The following POLR3A variants were observed in gnomAD, a reference collection of about 807,000 sequenced individuals.
The protein encoded by POLR3A is DNA-directed RNA polymerase III subunit RPC1.
In POLR3A, 112 loss-of-function variants were observed where a neutral mutation model predicts 152.8. The observed-to-expected ratio is 0.73, with a 90% CI of 0.63 to 0.86. The LOEUF is 0.86. Ranked by LOEUF, POLR3A falls within the 40% of genes least tolerant of loss-of-function variation. POLR3A has a pLI of 0.00. For synonymous variants in POLR3A, 615 were observed against 652.1 expected (o/e 0.94, Z 0.87); for missense variants, 1,385 against 1,743.1 (o/e 0.79, Z 3.66).
At chr10:78,017,790 A>G (rs1486768709) in intron 9 of POLR3A, 74 bp from the exon 10 acceptor site, 2 of 1,453,176 alleles carry the variant, frequency 1.4e-6, no homozygotes, top group Non-Finnish European at 1.9e-6. Flanking sequence ...TCAGATCAGG[A>G]TTCAATCTTT....
rs748909218 is a variant in POLR3A at position 77,982,323 on chromosome 10, A to T, written c.3595-5T>A. The T allele has an allele frequency of 2.5e-6, 4 of 1,613,872 alleles. No individual in the cohort carries two copies. In the South Asian group the frequency reaches 4.4e-5, roughly 18 times the overall value. ...TGGAATGCCCTGCACCACCACCTGG[A>T]TTCAGAGACAGAGAAAGCTGTGAGG... On this transcript the variant is annotated splice_polypyrimidine_tract_variant and splice_region_variant and intron_variant, in intron 27 of 30. Coordinates refer to ENST00000372371, the MANE Select transcript of POLR3A (RefSeq NM_007055.4).
rs1589303681 is a variant in POLR3A at position 77,983,990 on chromosome 10, A to G, written c.3359T>C (p.Val1120Ala). The G allele has an allele frequency of 6.2e-7, 1 of 1,610,740 alleles. No homozygotes were observed. The highest frequency in any genetic ancestry group is 8.5e-7 in the Non-Finnish European group (1 of 1,177,028). ...AATAAAGCAGTCATCAGGAAGAAAC[A>G]CTTCTTCAATATACTCGGAAATCTG... The part of the protein sequence containing the change: ...LGEISEYIEE[V>A]FLPDDCFILV... The change falls in exon 26 of 31, where the codon GTG becomes GCG. Residue 1120 changes from valine to alanine, a missense_variant. Physicochemically the swap from Val to Ala is moderately conservative, Grantham distance 64. Transcript: ENST00000372371.
At chr10:78,018,452 T>C (rs945790962) in intron 9 of POLR3A, among the ~76,000 whole-genome samples, 56 of 150,082 alleles carry the variant, frequency 3.7e-4, no homozygotes, top group Admixed American at 6.7e-5. Context: ...TGAGTCAAGA[T>C]CGTGCCACTA....
chr10:78,004,214 G>A (rs1298452102), intron 16 of POLR3A, among the ~76,000 whole-genome samples: 2 of 151,992 alleles, frequency 1.3e-5, no homozygotes, highest in African/African-American at 2.4e-5. Context: ...AGCCTGGCTG[G>A]AGTGCTTCAT....
At chr10:77,996,691 G>C (rs182367714) in intron 19 of POLR3A, among the ~76,000 whole-genome samples, 4,857 of 152,028 alleles carry the variant, frequency 0.032, 288 homozygotes, top group African/African-American at 0.11. Flanking sequence ...ACCAAAAAAA[G>C]TCCAGGACCA....
In POLR3A at chr10:78,004,700, A is replaced by T. The variant is rs758297676; in HGVS notation, c.2247+16T>A. 1.2e-6 allele frequency: 2 copies of T among 1,608,970 alleles called. No homozygotes were observed. Among genetic ancestry groups the T allele is most frequent in the South Asian group, 2.2e-5 (2 of 90,892 alleles). On this transcript the variant is annotated intron_variant, in intron 16 of 30. Coordinates refer to ENST00000372371, the MANE Select transcript of POLR3A (RefSeq NM_007055.4). ...GCACGGCAAGTGGCGACCCTGAACC[A>T]AAGGGCCGGGCTCACCTCCAGGGTC... is the stretch of plus-strand genomic sequence containing the variant.
Position 78,002,177 on chromosome 10 carries a change from T to G in POLR3A, c.2359+20A>C. On this transcript the variant is annotated intron_variant, in intron 17 of 30. Coordinates refer to ENST00000372371, the MANE Select transcript of POLR3A (RefSeq NM_007055.4). ...GTACGGAGAACACACTGCCAGCAGG[T>G]GAGAGAGGGGCATGCAGACCTTTGG... 16 of 1,489,064 alleles carry G rather than the reference T, an allele frequency of 1.1e-5. No individual in the cohort carries two copies. The highest frequency in any genetic ancestry group is 1.4e-5 in the African/African-American group (1 of 72,688). The allele number at this position is 1,489,064 out of a possible 1,614,324, so 92.2% of individuals were successfully genotyped here.
chr10:77,996,283 C>G (rs1177457435), intron 19 of POLR3A, among the ~76,000 whole-genome samples: 2 of 152,112 alleles, frequency 1.3e-5, no homozygotes, highest in African/African-American at 4.8e-5. Flanking sequence ...CATTCAAAAG[C>G]TAGCAGAAGG....
chr10:77,983,874 G>A (rs1206554492), intron 26 of POLR3A, 46 bp downstream of exon 26: 1 of 1,188,640 alleles, frequency 8.4e-7, no homozygotes, highest in East Asian at 2.3e-5. Context: ...ACCTATCTTG[G>A]GACTAACAGG....
intron 15 of POLR3A, among the ~76,000 whole-genome samples, chr10:78,007,050 G>A (rs1243713092): frequency 6.6e-6 from 1 of 152,072 alleles, no homozygotes; most frequent in Non-Finnish European, 1.5e-5. Flanking sequence ...CAGCCTGGGT[G>A]ACAGAGCAAG....
chr10:78,025,613 T>C lies in POLR3A; in HGVS notation c.318+9A>G, dbSNP rs780286458. ...TTTATGTCTTGGAAATCAGCACCTGTGTGCTTACCTGTAAGATGCCTATGA... is the reference window on the plus strand; with the variant it reads ...TTTATGTCTTGGAAATCAGCACCTGCGTGCTTACCTGTAAGATGCCTATGA... On this transcript the variant is annotated intron_variant, in intron 3 of 30. Coordinates refer to ENST00000372371, the MANE Select transcript of POLR3A (RefSeq NM_007055.4). The C allele has an allele frequency of 1.9e-6, 3 of 1,614,076 alleles. No homozygotes were observed. Among genetic ancestry groups the C allele is most frequent in the Non-Finnish European group, 2.5e-6 (3 of 1,179,904 alleles).
intron 18 of POLR3A, among the ~76,000 whole-genome samples, chr10:78,000,744 G>A (rs922502322): frequency 5.3e-5 from 8 of 152,120 alleles, no homozygotes; most frequent in Non-Finnish European, 8.8e-5. Context: ...TTGGCCAGAC[G>A]AACTCCTGGC....
intron 3 of POLR3A, 30 bp from the exon 4 acceptor site, chr10:78,025,172 G>A: frequency 1.2e-6 from 2 of 1,611,456 alleles, no homozygotes; most frequent in East Asian, 4.5e-5. Context: ...ACAGATAAAA[G>A]CATAAGTGAG....
chr10:78,012,346 A>T (rs1847474403), intron 11 of POLR3A, among the ~76,000 whole-genome samples: 1 of 150,752 alleles, frequency 6.6e-6, no homozygotes, highest in Admixed American at 6.6e-5. Context: ...CCTGGGCAAC[A>T]AGAGTAAAAC....
chr10:78,009,801 A>AT (rs1847447627), intron 13 of POLR3A, 63 bp downstream of exon 13: 36 of 1,605,816 alleles, frequency 2.2e-5, no homozygotes, highest in African/African-American at 4.2e-5. Context: ...CACTCATTTC[A>AT]CCAGTCTACC....
At chr10:77,982,955 A>G in intron 26 of POLR3A, 138 bp from the exon 27 acceptor site, 2 of 716,924 alleles carry the variant, frequency 2.8e-6, no homozygotes, top group Non-Finnish European at 5.1e-6. Flanking sequence ...AATACCATAA[A>G]TATGCTACAT....
At chr10:78,011,681 A>G (rs1202308595) in intron 11 of POLR3A, among the ~76,000 whole-genome samples, 1 of 152,234 alleles carries the variant, frequency 6.6e-6, no homozygotes, top group Non-Finnish European at 1.5e-5. Flanking sequence ...GTCTACGGAT[A>G]GAAGCAGAGT....
intron 2 of POLR3A, among the ~76,000 whole-genome samples, 164 bp downstream of exon 2, chr10:78,025,930 C>A (rs546276257): frequency 6.6e-6 from 1 of 152,190 alleles, no homozygotes; most frequent in Non-Finnish European, 1.5e-5. Flanking sequence ...GACTCAGAAT[C>A]GAATCAGGTT....
Position 78,026,199 on chromosome 10 carries a change from A to G in POLR3A, c.75T>C (p.Pro25=), listed in dbSNP as rs1270597387. 3.1e-6 allele frequency: 5 copies of G among 1,614,204 alleles called. No individual in the cohort carries two copies. The Admixed American group carries it at 8.3e-5, about 27-fold the overall frequency. ...ISHICFGMKS[P]EEMRQQAHIQ... is the part of the protein sequence containing the mutation. The stretch of plus-strand genomic sequence containing the variant: ...TGTGCGCCTGCTGGCGCATCTCCTC[A>G]GGTGACTTCATTCCAAAACAGATGT... Residue 25 remains proline (P), a synonymous_variant, in exon 2 of 31, where the codon CCT becomes CCC. Coordinates refer to ENST00000372371, the MANE Select transcript of POLR3A (RefSeq NM_007055.4).
Sources: gnomAD v4.1 joint callset for allele counts (sites outside exome capture counted in the v4.1 genomes callset) on GRCh38, gnomAD v4.1.1 for gene constraint, MANE v1.5 for transcripts, NCBI Gene and HGNC (gene_info 2026-07-23, HGNC 2026-07-21) for gene names.